EPB41L5: variants seen among roughly 807,000 people sequenced by gnomAD.
EPB41L5 encodes the protein band 4.1-like protein 5.
In EPB41L5, 55 loss-of-function variants were observed where a neutral mutation model predicts 106.6. The observed-to-expected ratio is 0.52, with a 90% confidence interval of 0.42 to 0.65. EPB41L5 has a LOEUF of 0.65. Ranked by LOEUF, EPB41L5 falls within the 30% of genes least tolerant of loss-of-function variation. The pLI, the probability that EPB41L5 is intolerant of heterozygous loss-of-function variation, is 0.00. For missense variants in EPB41L5, 871 were observed against 882.1 expected (o/e 0.99, Z 0.16); for synonymous variants, 297 against 306.7 (o/e 0.97, Z 0.33).
chr2:120,134,395 G>A (rs1316235190), intron 18 of EPB41L5, among the ~76,000 whole-genome samples: 1 of 152,098 alleles, frequency 6.6e-6, no homozygotes, highest in Non-Finnish European at 1.5e-5. Flanking sequence ...GCACAAGTCT[G>A]GCTGGATTCA....
Position 120,176,522 on chromosome 2 carries a change from G to T in EPB41L5, c.*1615G>T, listed in dbSNP as rs6706062. On this transcript the variant is annotated 3_prime_UTR_variant, in exon 25 of 25. Transcript: ENST00000263713. Reference sequence around the variant, plus strand: ...GGGAGCTGTAGTGATTGGAACCCACGTTTGCACAAAACATTTTTGCAGAAG... The same window carrying T: ...GGGAGCTGTAGTGATTGGAACCCACTTTTGCACAAAACATTTTTGCAGAAG... 14,705 of 152,218 alleles carry T rather than the reference G, an allele frequency of 0.097. 1,007 individuals carry two copies. The highest frequency in any genetic ancestry group is 0.19 in the African/African-American group (7,742 of 41,510). The allele number at this position is 152,218 out of a possible 1,614,324, so 9.4% of individuals were successfully genotyped here. A position where few individuals can be genotyped will look rare whatever the true frequency, so the allele number is the denominator to read the frequency against.
At chr2:120,040,112 G>A (rs1367594894) in intron 2 of EPB41L5, among the ~76,000 whole-genome samples, 1 of 151,320 alleles carries the variant, frequency 6.6e-6, no homozygotes, top group Non-Finnish European at 1.5e-5. Context: ...TAAGTAATAT[G>A]TGCTAAAAAA....
chr2:120,164,036 G>A (rs1465284321), intron 21 of EPB41L5, among the ~76,000 whole-genome samples: 2 of 119,770 alleles, frequency 1.7e-5, no homozygotes, highest in East Asian at 5.3e-4. Flanking sequence ...AGGCTGGAGT[G>A]CAGTGGCGCG....
chr2:120,104,277 G>A, intron 16 of EPB41L5: 1 of 1,518,798 alleles, frequency 6.6e-7, no homozygotes, highest in Admixed American at 2.0e-5. Flanking sequence ...TCTTTGTCAT[G>A]CAAGTTGATG....
Position 120,076,981 on chromosome 2 carries a change from T to C in EPB41L5, c.516T>C (p.Gly172=). The C allele has an allele frequency of 1.3e-6, 2 of 1,596,278 alleles. No individual in the cohort carries two copies. The highest frequency in any genetic ancestry group is 2.7e-5 in the African/African-American group (2 of 74,468). Residue 172 remains glycine, a synonymous_variant, in exon 8 of 25, where the codon GGT becomes GGC. Transcript: ENST00000263713. ...AACTTATGTTTATAGCTGAACTTGG[T>C]GACTATGATCTTGCTGAGCATAGTC... ...LAAYNLQAEL[G]DYDLAEHSPE... is the part of the protein sequence containing the mutation.
intron 16 of EPB41L5, among the ~76,000 whole-genome samples, chr2:120,102,966 G>T (rs1684236171): frequency 6.6e-6 from 1 of 152,006 alleles, no homozygotes; most frequent in African/African-American, 2.4e-5. Flanking sequence ...ATAACTTGAG[G>T]GTTGTGATTT....
At position 120,093,988 on chromosome 2, in the gene EPB41L5, G is replaced by T. The variant is rs1046915932; in HGVS notation, c.1178+712G>T. Among the ~76,000 whole-genome samples the T allele has an allele frequency of 5.3e-5, 8 of 151,970 alleles. No homozygotes were observed. In the East Asian group the frequency reaches 7.7e-4, roughly 15 times the overall value. ...TTCTTCTCTTTTTTTTTGTTGGGGTGGGGGTAGGGGACGTGCAGGGCCTAG... is the reference window on the plus strand; with the variant it reads ...TTCTTCTCTTTTTTTTTGTTGGGGTTGGGGTAGGGGACGTGCAGGGCCTAG... On this transcript the variant is annotated intron_variant, in intron 14 of 24. Transcript: ENST00000263713.
In EPB41L5 at chr2:120,175,691, G is replaced by GT. The variant is rs1687895095; in HGVS notation, c.*784_*785insT. ...GTGGGTTACTGTTGAAGAGACCCTG[G>GT]GGCATTTACCTCAGGCATCTGCACT... is the stretch of plus-strand genomic sequence containing the variant. On this transcript the variant is annotated 3_prime_UTR_variant, in exon 25 of 25. Coordinates refer to ENST00000263713, the MANE Select transcript of EPB41L5 (RefSeq NM_020909.4). 1 of 152,054 alleles carries GT rather than the reference G, an allele frequency of 6.6e-6. No homozygotes were observed. Among genetic ancestry groups the GT allele is most frequent in the Admixed American group, 6.6e-5 (1 of 15,262 alleles). The allele number at this position is 152,054 out of a possible 1,614,324, so 9.4% of individuals were successfully genotyped here. A position where few individuals can be genotyped will look rare whatever the true frequency, so the allele number is the denominator to read the frequency against.
intron 10 of EPB41L5, among the ~76,000 whole-genome samples, chr2:120,079,862 G>T (rs1280838355): frequency 1.3e-5 from 2 of 152,064 alleles, no homozygotes; most frequent in Non-Finnish European, 2.9e-5. Context: ...TTTATCTTGA[G>T]ACTTCCCTTT....
intron 2 of EPB41L5, among the ~76,000 whole-genome samples, chr2:120,034,438 T>C (rs1031580165): frequency 2.6e-5 from 4 of 152,152 alleles, no homozygotes; most frequent in Admixed American, 2.0e-4. Context: ...TGGAAACATA[T>C]AAGTTTGGTA....
chr2:120,113,432 T>C (rs1451217916), intron 16 of EPB41L5, among the ~76,000 whole-genome samples: 1 of 152,194 alleles, frequency 6.6e-6, no homozygotes, highest in East Asian at 1.9e-4. Flanking sequence ...AGGAAATAGG[T>C]AGAAGAAAGA....
intron 2 of EPB41L5, among the ~76,000 whole-genome samples, chr2:120,025,091 C>A (rs532326352): frequency 1.3e-5 from 2 of 152,260 alleles, no homozygotes; most frequent in African/African-American, 4.8e-5. Context: ...CTTTGTACCT[C>A]TGGTAGAATT....
rs146762898 is a variant in EPB41L5, at chr2:120,163,392, C to T, written c.1888-1444C>T. On this transcript the variant is annotated intron_variant, in intron 21 of 24. Coordinates refer to ENST00000263713, the MANE Select transcript of EPB41L5 (RefSeq NM_020909.4). ...TTTGTTGTTTTAAAATTCTCCCAGACCCCCTCCCTCACAGTAGAGAATTGT... is the reference window on the plus strand; with the variant it reads ...TTTGTTGTTTTAAAATTCTCCCAGATCCCCTCCCTCACAGTAGAGAATTGT... 4.7e-3 allele frequency among the ~76,000 whole-genome samples: 713 copies of T among 151,988 alleles called. 4 individuals are homozygous for T. The highest frequency in any genetic ancestry group is 8.3e-3 in the South Asian group (40 of 4,808).
intron 3 of EPB41L5, among the ~76,000 whole-genome samples, chr2:120,066,978 T>G (rs1195293776): frequency 6.6e-6 from 1 of 152,182 alleles, no homozygotes; most frequent in Non-Finnish European, 1.5e-5. Flanking sequence ...GAATTGTTTT[T>G]TGCTACTGGC....
chr2:120,073,699 C>T (rs1008389805), intron 4 of EPB41L5, among the ~76,000 whole-genome samples: 9 of 152,094 alleles, frequency 5.9e-5, no homozygotes, highest in African/African-American at 2.2e-4. Context: ...ACTCTTGTCT[C>T]AAAATAATGA....
chr2:120,064,611 T>G (rs745419928), intron 3 of EPB41L5, among the ~76,000 whole-genome samples: 12 of 152,352 alleles, frequency 7.9e-5, no homozygotes, highest in Non-Finnish European at 1.6e-4. Flanking sequence ...GATAGGATGC[T>G]AAGAAATGTG....
intron 3 of EPB41L5, among the ~76,000 whole-genome samples, chr2:120,059,447 CA>C (rs1420402497): frequency 4.6e-5 from 7 of 151,692 alleles, no homozygotes; most frequent in Admixed American, 3.3e-4. Context: ...AACATGATAC[CA>C]AAAGGATGAT....
chr2:120,075,761 A>G lies in EPB41L5; in HGVS notation c.505+8A>G, dbSNP rs541596200. 8.7e-6 allele frequency: 14 copies of G among 1,607,790 alleles called. No individual in the cohort carries two copies. In the Middle Eastern group the frequency reaches 5.0e-4, roughly 57 times the overall value. On this transcript the variant is annotated splice_region_variant and intron_variant, in intron 7 of 24. Coordinates refer to ENST00000263713, the MANE Select transcript of EPB41L5 (RefSeq NM_020909.4). ...CAGCTTATAATCTGCAAGGTAAGCAATTCTTATGTTGACTGTTAAGACTCA... is the reference window on the plus strand; with the variant it reads ...CAGCTTATAATCTGCAAGGTAAGCAGTTCTTATGTTGACTGTTAAGACTCA...
intron 10 of EPB41L5, among the ~76,000 whole-genome samples, chr2:120,081,682 C>A (rs978690943): frequency 3.9e-5 from 6 of 152,164 alleles, no homozygotes; most frequent in African/African-American, 1.4e-4. Flanking sequence ...GGCATTGAAT[C>A]TATAAATTAC....
Sources: allele counts gnomAD v4.1 joint callset (sites outside exome capture counted in the v4.1 genomes callset), GRCh38; gene constraint gnomAD v4.1.1; transcripts MANE v1.5; gene names NCBI Gene and HGNC (gene_info 2026-07-23, HGNC 2026-07-21).